Variants in HIVEP3 observed in about 807,000 individuals in gnomAD.
HIVEP3 encodes the protein transcription factor HIVEP3.
Under a neutral mutation model 152.8 loss-of-function variants are expected in HIVEP3, and 49 were observed. That is an observed-to-expected ratio of 0.32 (90% CI 0.26 to 0.41). HIVEP3 has a LOEUF of 0.41. Among genes scored for constraint, HIVEP3 ranks in the 10% least tolerant of loss-of-function variants. The pLI is 1.00. For synonymous variants in HIVEP3, 1,269 were observed against 1,289.0 expected (o/e 0.98, Z 0.33); for missense variants, 2,790 against 3,103.3 (o/e 0.90, Z 2.40).
At chr1:41,574,226 C>G (rs928355091) in intron 5 of HIVEP3, among the ~76,000 whole-genome samples, 6 of 152,122 alleles carry the variant, frequency 3.9e-5, no homozygotes, top group Non-Finnish European at 7.3e-5. Flanking sequence ...AATCCTGCCT[C>G]TGTGTGGCCT....
chr1:41,945,650 G>A (rs1311821536), intron 1 of HIVEP3, among the ~76,000 whole-genome samples: 3 of 152,170 alleles, frequency 2.0e-5, no homozygotes, highest in Non-Finnish European at 4.4e-5. Flanking sequence ...CCCTCACTGG[G>A]ACACAGAATC....
intron 5 of HIVEP3, among the ~76,000 whole-genome samples, chr1:41,551,325 G>A (rs543423492): frequency 9.3e-6 from 1 of 107,242 alleles, no homozygotes; most frequent in Admixed American, 9.2e-5. Flanking sequence ...AGGGATATTG[G>A]TCTAAAATTC....
At chr1:41,568,160 G>A (rs1323216502) in intron 5 of HIVEP3, among the ~76,000 whole-genome samples, 8 of 152,260 alleles carry the variant, frequency 5.3e-5, no homozygotes, top group Non-Finnish European at 2.9e-5. Flanking sequence ...CAGTCTGGTG[G>A]AGGAAACAGA....
At chr1:41,625,822 A>G (rs993258659) in intron 3 of HIVEP3, among the ~76,000 whole-genome samples, 2 of 152,250 alleles carry the variant, frequency 1.3e-5, no homozygotes. Context: ...AAATAAGAAT[A>G]AAAATGAGAA....
intron 1 of HIVEP3, among the ~76,000 whole-genome samples, chr1:41,738,165 C>T (rs1646945918): frequency 6.6e-6 from 1 of 152,218 alleles, no homozygotes; most frequent in Admixed American, 6.5e-5. Context: ...AGAAGGCCTG[C>T]CCCAGGCCTT....
intron 6 of HIVEP3, among the ~76,000 whole-genome samples, chr1:41,521,446 C>T (rs948968496): frequency 2.0e-5 from 3 of 152,202 alleles, no homozygotes; most frequent in Non-Finnish European, 4.4e-5. Context: ...GGTGACTTTG[C>T]GGGTCCAGGA....
At position 41,513,557 on chromosome 1, in the gene HIVEP3, A is replaced by G; in HGVS notation, c.5664T>C (p.His1888=). 3 of 1,611,794 alleles carry G rather than the reference A, an allele frequency of 1.9e-6. No homozygotes were observed. Among genetic ancestry groups the G allele is most frequent in the Non-Finnish European group, 2.5e-6 (3 of 1,179,288 alleles). ...TGGGTGAGGAGTCTGCCCGCAGTGC[A>G]TGTGGTGGGCCAGGCGGGGGCGCCT... is the stretch of plus-strand genomic sequence containing the variant. ...SSEAPPPGPP[H]ALRADSSPIL... Residue 1888 remains histidine (H), a synonymous_variant, in exon 8 of 9, where the codon CAT becomes CAC. Transcript: ENST00000372583.
chr1:41,735,115 A>C (rs978101304), intron 1 of HIVEP3, among the ~76,000 whole-genome samples: 27 of 152,248 alleles, frequency 1.8e-4, no homozygotes, highest in Admixed American at 9.2e-4. Context: ...TGCAGAAGGC[A>C]CTATAATTAT....
intron 1 of HIVEP3, among the ~76,000 whole-genome samples, chr1:41,770,484 C>G (rs1435966678): frequency 6.6e-6 from 1 of 152,094 alleles, no homozygotes. Flanking sequence ...ATAGTGACTT[C>G]GCAATGAACC....
chr1:41,881,367 T>G (rs900179233), intron 1 of HIVEP3, among the ~76,000 whole-genome samples: 2 of 152,244 alleles, frequency 1.3e-5, no homozygotes, highest in African/African-American at 4.8e-5. Flanking sequence ...CAAGTTGCCA[T>G]AATTTGGGTC....
chr1:41,891,302 T>C (rs1256970183), intron 1 of HIVEP3, among the ~76,000 whole-genome samples: 1 of 152,136 alleles, frequency 6.6e-6, no homozygotes, highest in Non-Finnish European at 1.5e-5. Flanking sequence ...TATTTCCCAA[T>C]TTTGGGTTGC....
intron 1 of HIVEP3, among the ~76,000 whole-genome samples, chr1:41,725,213 C>T (rs941665469): frequency 1.3e-5 from 2 of 152,326 alleles, no homozygotes; most frequent in East Asian, 3.9e-4. Flanking sequence ...CTGTGAATGG[C>T]ATCCCTGAAT....
At chr1:41,529,667 CT>C (rs1256360109) in intron 5 of HIVEP3, among the ~76,000 whole-genome samples, 30 of 146,150 alleles carry the variant, frequency 2.1e-4, no homozygotes, top group African/African-American at 6.2e-4. Context: ...CCCCTACACA[CT>C]CCCACAACCA....
intron 1 of HIVEP3, among the ~76,000 whole-genome samples, chr1:41,733,166 T>C (rs1354404533): frequency 6.6e-6 from 1 of 152,198 alleles, no homozygotes; most frequent in Non-Finnish European, 1.5e-5. Flanking sequence ...TGCTGGCATC[T>C]TCCCGGCTGC....
intron 1 of HIVEP3, among the ~76,000 whole-genome samples, chr1:41,788,171 C>T (rs1357398623): frequency 6.6e-6 from 1 of 152,148 alleles, no homozygotes; most frequent in Non-Finnish European, 1.5e-5. Context: ...GAGTGGCCAC[C>T]CCCCGACAGT....
chr1:41,617,648 T>C (rs1644988518), intron 3 of HIVEP3, among the ~76,000 whole-genome samples: 1 of 152,232 alleles, frequency 6.6e-6, no homozygotes, highest in South Asian at 2.1e-4. Context: ...GCACAGGAGA[T>C]ATCAACAGTG....
At chr1:41,673,147 C>G (rs1442695978) in intron 2 of HIVEP3, among the ~76,000 whole-genome samples, 1 of 152,140 alleles carries the variant, frequency 6.6e-6, no homozygotes, top group African/African-American at 2.4e-5. Context: ...GGGCTCAGCT[C>G]CCTCCCTAGG....
At chr1:41,755,135 C>T (rs1012762069) in intron 1 of HIVEP3, among the ~76,000 whole-genome samples, 2 of 152,096 alleles carry the variant, frequency 1.3e-5, no homozygotes, top group Admixed American at 6.5e-5. Flanking sequence ...ATAGCGAACC[C>T]AGAAATAGTT....
intron 1 of HIVEP3, among the ~76,000 whole-genome samples, chr1:41,753,565 G>A (rs1647201303): frequency 6.6e-6 from 1 of 152,096 alleles, no homozygotes. Flanking sequence ...CTACTTGGAA[G>A]GCTGAGGCAG....
Sources: gnomAD v4.1 joint callset for allele counts (sites outside exome capture counted in the v4.1 genomes callset) on GRCh38, gnomAD v4.1.1 for gene constraint, MANE v1.5 for transcripts, NCBI Gene and HGNC (gene_info 2026-07-23, HGNC 2026-07-21) for gene names.